The following PCDH15 variants were observed in gnomAD, a reference collection of about 807,000 sequenced individuals.
PCDH15 encodes the protein protocadherin related 15, also known as protocadherin-15.
A neutral mutation model predicts 178.5 loss-of-function variants in PCDH15; 129 were observed. That is an observed-to-expected ratio of 0.72 (90% CI 0.63 to 0.84). The LOEUF is 0.84. Ranked by LOEUF, PCDH15 falls within the 40% of genes least tolerant of loss-of-function variation. The pLI, the probability that PCDH15 is intolerant of heterozygous loss-of-function variation, is 0.00. For missense variants in PCDH15, 2,230 were observed against 2,099.9 expected, an observed-to-expected ratio of 1.06 and a Z score of -1.21; for synonymous variants, 800 against 732.0, an observed-to-expected ratio of 1.09 and a Z score of -1.50.
At position 54,344,904 on chromosome 10, in the gene PCDH15, C is replaced by CA. The variant is rs57295345; in HGVS notation, c.594+1460dup. Among the ~76,000 whole-genome samples the CA allele has an allele frequency of 5.1e-3, 400 of 78,856 alleles. 4 individuals carry two copies. Among genetic ancestry groups the CA allele is most frequent in the East Asian group, 0.021 (29 of 1,412 alleles). The allele number at this position is 78,856 out of a possible 152,430, so 51.7% of individuals were successfully genotyped here. A position where few individuals can be genotyped will look rare whatever the true frequency, so the allele number is the denominator to read the frequency against. ...AAAGTCCTCTTTTAGAGAAACAAAG[C>CA]AAAAAAAAAAAAAAAAAAAAAACAA... On this transcript the variant is annotated intron_variant, in intron 6 of 37. Transcript: ENST00000644397.
chr10:54,473,624 T>TA (rs1291443807), intron 3 of PCDH15, among the ~76,000 whole-genome samples: 2 of 152,084 alleles, frequency 1.3e-5, no homozygotes, highest in Non-Finnish European at 2.9e-5. Flanking sequence ...AATATTAAAA[T>TA]ACCATGCTGT....
chr10:54,592,065 G>A (rs1045292090), intron 2 of PCDH15, among the ~76,000 whole-genome samples: 18 of 152,070 alleles, frequency 1.2e-4, no homozygotes, highest in African/African-American at 4.1e-4. Context: ...TATCATAGCA[G>A]CATCTTACAT....
intron 13 of PCDH15, among the ~76,000 whole-genome samples, chr10:54,163,903 G>A (rs1053174795): frequency 3.3e-5 from 5 of 152,028 alleles, no homozygotes; most frequent in African/African-American, 7.2e-5. Context: ...TGGGAACTAC[G>A]GACAATCTAA....
chr10:55,604,045 G>A (rs1211305165), intron 2 of PCDH15, among the ~76,000 whole-genome samples: 2 of 101,738 alleles, frequency 2.0e-5, no homozygotes, highest in African/African-American at 4.6e-5. Flanking sequence ...AAAGGATGGA[G>A]GAAGATCTAC....
At chr10:54,853,811 C>T (rs1034300240) in intron 3 of PCDH15, among the ~76,000 whole-genome samples, 2 of 152,104 alleles carry the variant, frequency 1.3e-5, no homozygotes, top group African/African-American at 4.8e-5. Flanking sequence ...ATTTACAAAA[C>T]GTTCTTTTCA....
intron 13 of PCDH15, among the ~76,000 whole-genome samples, chr10:54,182,548 CTTAT>C (rs1232792290): frequency 6.7e-6 from 1 of 149,764 alleles, no homozygotes; most frequent in Non-Finnish European, 1.5e-5. Flanking sequence ...TTTGAAATAA[CTTAT>C]TTAAGTGTAA....
At chr10:53,890,783 A>T (rs2081502687) in intron 26 of PCDH15, among the ~76,000 whole-genome samples, 1 of 152,176 alleles carries the variant, frequency 6.6e-6, no homozygotes, top group Non-Finnish European at 1.5e-5. Context: ...AGGAAAAATA[A>T]AAAAATTTTA....
At chr10:54,784,249 C>T (rs1361799323) in intron 1 of PCDH15, among the ~76,000 whole-genome samples, 3 of 151,436 alleles carry the variant, frequency 2.0e-5, no homozygotes, top group Admixed American at 6.6e-5. Context: ...ACAATTTATC[C>T]ATGTAATCAA....
At chr10:54,388,398 G>A (rs1461360885) in intron 3 of PCDH15, among the ~76,000 whole-genome samples, 1 of 152,162 alleles carries the variant, frequency 6.6e-6, no homozygotes, top group African/African-American at 2.4e-5. Context: ...AAGTAAGATA[G>A]GAAGAGAGAT....
chr10:55,026,973 A>C (rs532022540), intron 2 of PCDH15, among the ~76,000 whole-genome samples: 1 of 152,050 alleles, frequency 6.6e-6, no homozygotes, highest in East Asian at 1.9e-4. Context: ...GCATATAAAA[A>C]ACAGGCACGG....
intron 25 of PCDH15, among the ~76,000 whole-genome samples, chr10:53,925,406 C>T (rs907366602): frequency 6.6e-6 from 1 of 152,172 alleles, no homozygotes; most frequent in South Asian, 2.1e-4. Flanking sequence ...GGAAGAAACT[C>T]CGAACACGCC....
intron 2 of PCDH15, among the ~76,000 whole-genome samples, chr10:54,558,527 C>T (rs2087616586): frequency 6.6e-6 from 1 of 151,994 alleles, no homozygotes; most frequent in African/African-American, 2.4e-5. Flanking sequence ...ACCACAATCC[C>T]CACACACGTT....
intron 2 of PCDH15, among the ~76,000 whole-genome samples, chr10:54,548,745 C>T (rs1270274016): frequency 6.6e-6 from 1 of 150,580 alleles, no homozygotes; most frequent in Non-Finnish European, 1.5e-5. Context: ...TCCCTCCTGA[C>T]TTTCTATGGT....
chr10:55,184,690 A>C (rs1839747757), intron 1 of PCDH15, among the ~76,000 whole-genome samples: 1 of 151,974 alleles, frequency 6.6e-6, no homozygotes, highest in Admixed American at 6.6e-5. Flanking sequence ...ATACAGCTGT[A>C]GAGGGTATAT....
intron 8 of PCDH15, among the ~76,000 whole-genome samples, chr10:54,249,803 A>G (rs544787841): frequency 7.9e-5 from 12 of 152,314 alleles, no homozygotes; most frequent in African/African-American, 2.9e-4. Flanking sequence ...AAGAAATTGA[A>G]TAGTAAAGAC....
intron 20 of PCDH15, among the ~76,000 whole-genome samples, chr10:53,999,903 C>T (rs2092041732): frequency 6.6e-6 from 1 of 152,150 alleles, no homozygotes; most frequent in Non-Finnish European, 1.5e-5. Context: ...AGACCCAGTG[C>T]TGTGCTGGGT....
chr10:54,510,799 A>G (rs532949793), intron 3 of PCDH15, among the ~76,000 whole-genome samples: 2 of 152,326 alleles, frequency 1.3e-5, no homozygotes, highest in South Asian at 4.1e-4. Flanking sequence ...ATGTATTTCA[A>G]AAAGATTAAC....
chr10:54,459,826 C>T (rs1234676), intron 3 of PCDH15, among the ~76,000 whole-genome samples: 120,157 of 151,932 alleles, frequency 0.79, 47,919 homozygotes, highest in African/African-American at 0.87. Flanking sequence ...TCCTATTTCA[C>T]TGGTCTCTTC....
chr10:55,046,896 A>T (rs1164146547), intron 2 of PCDH15, among the ~76,000 whole-genome samples: 1 of 152,004 alleles, frequency 6.6e-6, no homozygotes, highest in African/African-American at 2.4e-5. Context: ...TCACATCTCA[A>T]TACATTATTA....
Sources: gnomAD v4.1 joint callset for allele counts (sites outside exome capture counted in the v4.1 genomes callset) on GRCh38, gnomAD v4.1.1 for gene constraint, MANE v1.5 for transcripts, NCBI Gene and HGNC (gene_info 2026-07-23, HGNC 2026-07-21) for gene names.